The following CENPK variants were observed in gnomAD, a reference collection of about 807,000 sequenced individuals.
CENPK encodes centromere protein K, also known as SoxLZ/Sox6-binding protein Solt.
CENPK carries 46 observed loss-of-function variants against 40.9 expected under a neutral mutation model. That is an observed-to-expected ratio of 1.13 (90% CI 0.89 to 1.44). The LOEUF (loss-of-function observed/expected upper bound fraction) is 1.44, where lower values mean the gene tolerates loss of function less well. Ranked by LOEUF, CENPK falls within the 40% of genes most tolerant of loss-of-function variation. The probability of loss-of-function intolerance (pLI) is 0.00; values close to 1 mark genes in which losing one functional copy is unlikely to be tolerated. For missense variants in CENPK, 288 were observed against 303.5 expected, an observed-to-expected ratio of 0.95 and a Z score of 0.38; for synonymous variants, 107 against 104.4, an observed-to-expected ratio of 1.02 and a Z score of -0.15.
intron 2 of CENPK, chr5:65,555,172 G>A: frequency 4.0e-6 from 1 of 248,094 alleles, no homozygotes; most frequent in Admixed American, 5.6e-5. Flanking sequence ...AAAAGACAAG[G>A]AAGAAACATA....
chr5:65,504,554 A>G, the CENPK span, among the ~76,000 whole-genome samples: 2 of 151,936 alleles, frequency 1.3e-5, no homozygotes, highest in African/African-American at 2.4e-5. Flanking sequence ...ATGTCTGAAG[A>G]TATGCACTTT....
At position 65,518,418 on chromosome 5, in the gene CENPK, G is replaced by A; in HGVS notation, c.*57C>T. 2.0e-6 allele frequency: 3 copies of A among 1,527,290 alleles called. No individual in the cohort carries two copies. Among genetic ancestry groups the A allele is most frequent in the Non-Finnish European group, 2.7e-6 (3 of 1,121,640 alleles). 94.6% of individuals were successfully genotyped at this position (1,527,290 alleles called of 1,614,324 possible). Reference sequence around the variant, plus strand: ...TGTTTTTTATCCAAATAGTCCTGTGGTTCCAATATCCTTGAATGATAAGAA... The same window carrying A: ...TGTTTTTTATCCAAATAGTCCTGTGATTCCAATATCCTTGAATGATAAGAA... On this transcript the variant is annotated 3_prime_UTR_variant, in exon 11 of 11. Transcript: ENST00000396679.
chr5:65,504,291 T>C, the CENPK span, among the ~76,000 whole-genome samples: 4 of 151,706 alleles, frequency 2.6e-5, no homozygotes, highest in Admixed American at 1.3e-4. Flanking sequence ...ACCCCATCTC[T>C]ACTAAAAATA....
chr5:65,508,696 G>T, the CENPK span, among the ~76,000 whole-genome samples: 1 of 148,504 alleles, frequency 6.7e-6, no homozygotes, highest in Non-Finnish European at 1.5e-5. Context: ...TGAGGTGGGA[G>T]AATCACTTGA....
chr5:65,551,767 G>A, intron 4 of CENPK, 131 bp from the exon 5 acceptor site: 1 of 446,914 alleles, frequency 2.2e-6, no homozygotes, highest in Non-Finnish European at 4.0e-6. Flanking sequence ...CTGCTCCAGA[G>A]GCAACTTTAT....
chr5:65,499,008 T>A, the CENPK span, among the ~76,000 whole-genome samples: 1 of 151,806 alleles, frequency 6.6e-6, no homozygotes, highest in Non-Finnish European at 1.5e-5. Context: ...CTTTGATGAT[T>A]TCCTTTATGT....
chr5:65,551,427 A>G, intron 5 of CENPK, 137 bp downstream of exon 5: 1 of 550,502 alleles, frequency 1.8e-6, no homozygotes, highest in East Asian at 3.1e-5. Flanking sequence ...CACAGAAAAA[A>G]AGTGGCTTCT....
intron 5 of CENPK, among the ~76,000 whole-genome samples, chr5:65,544,691 A>G (rs1466554908): frequency 6.6e-6 from 1 of 152,226 alleles, no homozygotes; most frequent in African/African-American, 2.4e-5. Context: ...ATGAAATACT[A>G]TTCAGCCTTA....
chr5:65,502,031 A>T, the CENPK span, among the ~76,000 whole-genome samples: 1 of 152,244 alleles, frequency 6.6e-6, no homozygotes, highest in East Asian at 1.9e-4. Context: ...CTCCCAACTC[A>T]GTCTTCTCTG....
intron 8 of CENPK, 72 bp from the exon 9 acceptor site, chr5:65,528,650 T>C: frequency 7.2e-7 from 1 of 1,395,244 alleles, no homozygotes; most frequent in Non-Finnish European, 9.4e-7. Flanking sequence ...TAGTTATTCA[T>C]GAAGTTGATC....
intron 2 of CENPK, among the ~76,000 whole-genome samples, chr5:65,557,891 A>G (rs1271922706): frequency 6.6e-6 from 1 of 152,248 alleles, no homozygotes; most frequent in East Asian, 1.9e-4. Context: ...AGTGGATTCA[A>G]GAAAGAATGG....
At chr5:65,535,277 G>GA (rs1746670087) in intron 6 of CENPK, among the ~76,000 whole-genome samples, 1 of 152,140 alleles carries the variant, frequency 6.6e-6, no homozygotes, top group African/African-American at 2.4e-5. Context: ...AGTTGTGCAG[G>GA]AAAGAGTTAA....
rs1301931915 is a variant in CENPK at position 65,524,395 on chromosome 5, C to A, written c.598-2867G>T. Among the ~76,000 whole-genome samples, 22 of 142,684 alleles carry A rather than the reference C, an allele frequency of 1.5e-4. No homozygotes were observed. The Admixed American group carries it at 1.6e-3, about 10-fold the overall frequency. 93.6% of individuals were successfully genotyped at this position (142,684 alleles called of 152,430 possible). A position where few individuals can be genotyped will look rare whatever the true frequency, so the allele number is the denominator to read the frequency against. On this transcript the variant is annotated intron_variant, in intron 9 of 10. Coordinates refer to ENST00000396679, the MANE Select transcript of CENPK (RefSeq NM_022145.5). ...GCGAGACTCCAACTCAAAAAAAAAA[C>A]AAACAAAAACTCTGGGAGGCTGAGT...
intron 4 of CENPK, 93 bp from the exon 5 acceptor site, chr5:65,551,729 C>T (rs1750090900): frequency 9.5e-6 from 6 of 631,126 alleles, no homozygotes; most frequent in Non-Finnish European, 1.3e-5. Context: ...TAAAACTTTG[C>T]AGGGGGGTGG....
chr5:65,550,133 A>G (rs1247508351), intron 5 of CENPK, among the ~76,000 whole-genome samples: 3 of 140,406 alleles, frequency 2.1e-5, no homozygotes, highest in Non-Finnish European at 4.5e-5. Flanking sequence ...ACACCACTGC[A>G]CTCCAGCCTG....
At chr5:65,518,756 T>A (rs1743171791) in intron 10 of CENPK, 123 bp from the exon 11 acceptor site, 2 of 606,634 alleles carry the variant, frequency 3.3e-6, no homozygotes, top group Non-Finnish European at 5.5e-6. Context: ...ATACTTTTAA[T>A]CTACAAATTT....
intron 9 of CENPK, among the ~76,000 whole-genome samples, chr5:65,526,927 C>T (rs575396718): frequency 9.9e-5 from 15 of 152,130 alleles, no homozygotes; most frequent in African/African-American, 3.4e-4. Flanking sequence ...ACCCTGTCTA[C>T]TAGAAATACA....
At chr5:65,527,350 AG>A (rs1019707463) in intron 9 of CENPK, among the ~76,000 whole-genome samples, 83 of 151,740 alleles carry the variant, frequency 5.5e-4, no homozygotes, top group African/African-American at 1.9e-3. Context: ...CTGAAGAGAT[AG>A]AAGTCCATAG....
intron 4 of CENPK, among the ~76,000 whole-genome samples, chr5:65,552,140 T>C (rs1036546094): frequency 2.0e-5 from 3 of 152,138 alleles, no homozygotes; most frequent in Non-Finnish European, 2.9e-5. Context: ...TTTTGTACTT[T>C]GGTAGCGACG....
Sources: gnomAD v4.1 joint callset for allele counts (sites outside exome capture counted in the v4.1 genomes callset) on GRCh38, gnomAD v4.1.1 for gene constraint, MANE v1.5 for transcripts, NCBI Gene and HGNC (gene_info 2026-07-23, HGNC 2026-07-21) for gene names.